The following DIABLO variants were observed in gnomAD, a reference collection of about 807,000 sequenced individuals.
DIABLO encodes diablo homolog, mitochondrial.
In DIABLO, 32 loss-of-function variants were observed where a neutral mutation model predicts 31.7. The ratio of observed to expected loss-of-function variants is 1.01; its 90% CI spans 0.76 to 1.35. The LOEUF is 1.35. Ranked by LOEUF, DIABLO falls within the 40% of genes most tolerant of loss-of-function variation. DIABLO has a pLI of 0.00. For synonymous variants in DIABLO, 132 were observed against 103.2 expected, an observed-to-expected ratio of 1.28 and a Z score of -1.69; for missense variants, 316 against 286.4, an observed-to-expected ratio of 1.10 and a Z score of -0.75.
chr12:122,208,632 A>T (rs894160258), intron 5 of DIABLO, 55 bp from the exon 6 acceptor site: 31 of 1,577,716 alleles, frequency 2.0e-5, no homozygotes, highest in Non-Finnish European at 2.7e-5. Context: ...CGGAAGGCTC[A>T]TGTGGACGTT....
At chr12:122,222,570 C>CAAAAA (rs745345652) in intron 2 of DIABLO, 1 of 88,630 alleles carries the variant, frequency 1.1e-5, no homozygotes, top group African/African-American at 3.1e-5. Context: ...ACTCCGTCTC[C>CAAAAA]AAAAAAAAAA....
intron 1 of DIABLO, 52 bp downstream of exon 1, chr12:122,225,913 C>T: frequency 2.6e-6 from 4 of 1,553,636 alleles, no homozygotes; most frequent in Admixed American, 1.9e-5. Flanking sequence ...CAGCGCTGTC[C>T]GCGTCGGTCC....
At chr12:122,208,846 A>G (rs1593165726) in intron 5 of DIABLO, 1 of 563,490 alleles carries the variant, frequency 1.8e-6, no homozygotes, top group African/African-American at 1.9e-5. Context: ...TCATCTTTAT[A>G]GCTACAGAGC....
intron 5 of DIABLO, among the ~76,000 whole-genome samples, chr12:122,213,106 G>T (rs1355512829): frequency 6.6e-6 from 1 of 152,062 alleles, no homozygotes; most frequent in Non-Finnish European, 1.5e-5. Context: ...TAGAGACAGG[G>T]TTTCATCGTG....
At chr12:122,209,763 T>G (rs1376307521) in intron 5 of DIABLO, 1 of 703,280 alleles carries the variant, frequency 1.4e-6, no homozygotes, top group Non-Finnish European at 2.6e-6. Context: ...GTAGAACATT[T>G]TGATCTTACT....
intron 2 of DIABLO, among the ~76,000 whole-genome samples, chr12:122,219,721 G>C (rs1954293348): frequency 6.6e-6 from 1 of 151,806 alleles, no homozygotes; most frequent in East Asian, 2.0e-4. Flanking sequence ...AAATTAGCTG[G>C]GCATGGTGGT....
chr12:122,225,727 C>T lies in DIABLO; in HGVS notation c.50+238G>A, dbSNP rs1339086866. 8 of 1,426,106 alleles carry T rather than the reference C, an allele frequency of 5.6e-6. No individual in the cohort carries two copies. In the Admixed American group the frequency reaches 8.5e-5, roughly 15 times the overall value. 88.3% of individuals were successfully genotyped at this position (1,426,106 alleles called of 1,614,324 possible). A position where few individuals can be genotyped will look rare whatever the true frequency, so the allele number is the denominator to read the frequency against. ...GCGGAGCAGCCCCAAGAAGGCAGCCCGGGGTCTCGGGGACTCGTTTCTAGA... is the reference window on the plus strand; with the variant it reads ...GCGGAGCAGCCCCAAGAAGGCAGCCTGGGGTCTCGGGGACTCGTTTCTAGA... On this transcript the variant is annotated intron_variant, in intron 1 of 5. Coordinates refer to ENST00000464942, the MANE Select transcript of DIABLO (RefSeq NM_001371333.1).
At chr12:122,209,363 AAAAG>A (rs1276646584) in intron 5 of DIABLO, among the ~76,000 whole-genome samples, 2 of 149,274 alleles carry the variant, frequency 1.3e-5, no homozygotes, top group African/African-American at 2.6e-5. Context: ...TCTCAAAAAA[AAAAG>A]AAAAAAAGAA....
At chr12:122,218,053 A>C (rs1245671228) in intron 3 of DIABLO, among the ~76,000 whole-genome samples, 1 of 151,908 alleles carries the variant, frequency 6.6e-6, no homozygotes, top group Non-Finnish European at 1.5e-5. Context: ...AAACTTTTTG[A>C]AGGGCCTGAC....
intron 3 of DIABLO, chr12:122,217,556 CCA>C (rs1160152304): frequency 6.5e-6 from 1 of 154,708 alleles, no homozygotes; most frequent in African/African-American, 2.4e-5. Flanking sequence ...GCTATGTCAC[CCA>C]GACGGAAGTG....
upstream of DIABLO, chr12:122,226,649 T>C: frequency 1.5e-6 from 1 of 645,592 alleles, no homozygotes. Flanking sequence ...CACGAGGTCC[T>C]GGCCCTCGAA....
At chr12:122,226,215 G>A, upstream of DIABLO, 2 of 853,648 alleles carry the variant, frequency 2.3e-6, no homozygotes, top group Non-Finnish European at 3.8e-6. Flanking sequence ...GCAACCAACC[G>A]CCGGAACTTC....
chr12:122,225,284 A>T (rs1379340587), intron 1 of DIABLO: 1 of 519,720 alleles, frequency 1.9e-6, no homozygotes, highest in Non-Finnish European at 2.5e-6. Flanking sequence ...GCTACTCGGG[A>T]GGCTGAGGCT....
At position 122,207,897 on chromosome 12, in the gene DIABLO, A is replaced by T. The variant is rs763402709; in HGVS notation, c.*484T>A. The T allele has an allele frequency of 4.3e-6, 2 of 460,548 alleles. No individual in the cohort carries two copies. The highest frequency in any genetic ancestry group is 8.6e-6 in the Non-Finnish European group (2 of 231,250). 28.5% of individuals were successfully genotyped at this position (460,548 alleles called of 1,614,324 possible). A position where few individuals can be genotyped will look rare whatever the true frequency, so the allele number is the denominator to read the frequency against. On this transcript the variant is annotated 3_prime_UTR_variant, in exon 6 of 6. Transcript: ENST00000464942. ...TGTCCTCACAGGACAGTGGGGGCAGATCAGAGAACACATCAGAAATACATA... is the reference window on the plus strand; with the variant it reads ...TGTCCTCACAGGACAGTGGGGGCAGTTCAGAGAACACATCAGAAATACATA...
Position 122,207,821 on chromosome 12 carries a change from T to A in DIABLO, c.*560A>T, listed in dbSNP as rs762688247. On this transcript the variant is annotated 3_prime_UTR_variant, in exon 6 of 6. Transcript: ENST00000464942. ...CCTGTTGAGAGCACCAGGTAAACACTCTGCACCCCTTCTCTTAGTAGTAAT... is the reference window on the plus strand; with the variant it reads ...CCTGTTGAGAGCACCAGGTAAACACACTGCACCCCTTCTCTTAGTAGTAAT... 1.5e-5 allele frequency: 7 copies of A among 463,482 alleles called. No individual in the cohort carries two copies. The highest frequency in any genetic ancestry group is 2.3e-5 in the Admixed American group (1 of 42,800). The allele number at this position is 463,482 out of a possible 1,614,324, so 28.7% of individuals were successfully genotyped here. A position where few individuals can be genotyped will look rare whatever the true frequency, so the allele number is the denominator to read the frequency against.
rs946390746 is a variant in DIABLO, at chr12:122,216,773, C to T, written c.412G>A (p.Gly138Arg). 1 of 1,614,162 alleles carries T rather than the reference C, an allele frequency of 6.2e-7. No homozygotes were observed. Among genetic ancestry groups the T allele is most frequent in the Non-Finnish European group, 8.5e-7 (1 of 1,180,002 alleles). ...EEDEVWQVII[G>R]ARAEMTSKHQ... ...TTTCTGCTTACCTCAGCTCTGGCTC[C>T]TATGATCACCTGCCACACTTCATCT... The change falls in exon 4 of 6, where the codon GGA becomes AGA. Residue 138 changes from glycine (G) to arginine (R), a missense_variant. Transcript: ENST00000464942.
chr12:122,222,498 G>A (rs1256228885), intron 2 of DIABLO: 4 of 151,406 alleles, frequency 2.6e-5, no homozygotes, highest in Non-Finnish European at 4.4e-5. Flanking sequence ...AGCTACTCGG[G>A]AGGCTGAGGC....
Position 122,225,955 on chromosome 12 carries a change from G to T in DIABLO, c.50+10C>A, listed in dbSNP as rs1954456603. The stretch of plus-strand genomic sequence containing the variant: ...CTGGTCCTGTCCCCTCTACGCGGCC[G>T]CAGCGGTACCTGAAGAATGAAGTTA... On this transcript the variant is annotated intron_variant, in intron 1 of 5. Coordinates refer to ENST00000464942, the MANE Select transcript of DIABLO (RefSeq NM_001371333.1). 1.9e-6 allele frequency: 3 copies of T among 1,589,078 alleles called. No homozygotes were observed. The highest frequency in any genetic ancestry group is 2.6e-6 in the Non-Finnish European group (3 of 1,168,464).
chr12:122,214,953 C>T (rs1379171090), intron 5 of DIABLO, among the ~76,000 whole-genome samples: 2 of 152,176 alleles, frequency 1.3e-5, no homozygotes, highest in Non-Finnish European at 2.9e-5. Context: ...GATCCGCCCT[C>T]CTTGGCCCCC....
Sources: gnomAD v4.1 joint callset for allele counts (sites outside exome capture counted in the v4.1 genomes callset) on GRCh38, gnomAD v4.1.1 for gene constraint, MANE v1.5 for transcripts, NCBI Gene and HGNC (gene_info 2026-07-23, HGNC 2026-07-21) for gene names.